Variants in CLYBL observed in about 807,000 individuals in gnomAD.
The protein encoded by CLYBL is citramalyl-CoA lyase.
CLYBL carries 31 observed loss-of-function variants against 38.9 expected under a neutral mutation model. The ratio of observed to expected loss-of-function variants is 0.80; its 90% confidence interval spans 0.60 to 1.08. CLYBL has a LOEUF of 1.08. Among genes scored for constraint, CLYBL ranks in the 50% least tolerant of loss-of-function variants. CLYBL has a pLI of 0.00. For synonymous variants in CLYBL, 171 were observed against 158.6 expected (o/e 1.08, Z -0.59); for missense variants, 434 against 411.6 (o/e 1.05, Z -0.47).
intron 2 of CLYBL, among the ~76,000 whole-genome samples, chr13:99,790,907 T>C (rs1479219737): frequency 2.6e-5 from 4 of 152,192 alleles, no homozygotes; most frequent in Non-Finnish European, 5.9e-5. Context: ...GTGAGGCATA[T>C]CCGCCAATGG....
intron 1 of CLYBL, among the ~76,000 whole-genome samples, chr13:99,768,192 CTT>C (rs58499426): frequency 1.9e-5 from 2 of 102,668 alleles, no homozygotes; most frequent in Admixed American, 1.3e-4. Context: ...TTTTCTTTTT[CTT>C]TTTTTTTTTT....
At chr13:99,761,831 G>A (rs1378505993) in intron 1 of CLYBL, among the ~76,000 whole-genome samples, 4 of 152,242 alleles carry the variant, frequency 2.6e-5, no homozygotes, top group South Asian at 2.1e-4. Context: ...ACCAGCACTC[G>A]TTACTGACCA....
chr13:99,663,184 T>C (rs1043191670), intron 1 of CLYBL, among the ~76,000 whole-genome samples: 2 of 152,220 alleles, frequency 1.3e-5, no homozygotes, highest in African/African-American at 4.8e-5. Context: ...GGGAATACTT[T>C]CTTCTACTGA....
intron 1 of CLYBL, among the ~76,000 whole-genome samples, chr13:99,770,348 C>T (rs1052410331): frequency 3.3e-5 from 5 of 151,960 alleles, no homozygotes; most frequent in South Asian, 2.1e-4. Flanking sequence ...GACGGAGTCT[C>T]GCTCTGTCAC....
intron 1 of CLYBL, among the ~76,000 whole-genome samples, chr13:99,708,566 A>G (rs2139482152): frequency 6.6e-6 from 1 of 152,278 alleles, no homozygotes; most frequent in African/African-American, 2.4e-5. Flanking sequence ...CAAATTACTT[A>G]GCTTCTCTGT....
At chr13:99,901,047 A>G (rs2052636259), downstream of CLYBL, among the ~76,000 whole-genome samples, 1 of 152,196 alleles carries the variant, frequency 6.6e-6, no homozygotes, top group Non-Finnish European at 1.5e-5. Flanking sequence ...GCTGGTCTGA[A>G]TGGCTGGAAA....
chr13:99,774,801 A>C (rs1204695039), intron 2 of CLYBL, among the ~76,000 whole-genome samples: 2 of 152,194 alleles, frequency 1.3e-5, no homozygotes. Context: ...AAATACTATT[A>C]ATCCTTCTCC....
At chr13:99,637,203 G>T (rs988864597) in intron 1 of CLYBL, among the ~76,000 whole-genome samples, 7 of 152,144 alleles carry the variant, frequency 4.6e-5, no homozygotes, top group Admixed American at 4.6e-4. Flanking sequence ...GTAAGTGCCA[G>T]GGTAATAGAG....
chr13:99,832,413 C>T (rs1427334438), intron 2 of CLYBL, among the ~76,000 whole-genome samples: 1 of 152,124 alleles, frequency 6.6e-6, no homozygotes, highest in East Asian at 1.9e-4. Flanking sequence ...GAATTCAATT[C>T]AACAACATGT....
intron 1 of CLYBL, among the ~76,000 whole-genome samples, chr13:99,694,118 T>G (rs998507133): frequency 6.6e-6 from 1 of 152,226 alleles, no homozygotes; most frequent in Non-Finnish European, 1.5e-5. Context: ...ACCTCTTTCC[T>G]TCATCTGTGA....
chr13:99,859,999 T>C (rs924338588), intron 3 of CLYBL, among the ~76,000 whole-genome samples: 2 of 152,002 alleles, frequency 1.3e-5, no homozygotes, highest in Non-Finnish European at 2.9e-5. Context: ...ATACCCTGAG[T>C]TGTTGTAACA....
chr13:99,628,830 G>C (rs2046904363), intron 1 of CLYBL, among the ~76,000 whole-genome samples: 1 of 152,172 alleles, frequency 6.6e-6, no homozygotes, highest in African/African-American at 2.4e-5. Flanking sequence ...ATTTCCTCCT[G>C]GTTATTGTGA....
chr13:99,827,594 A>G (rs1003618098), intron 2 of CLYBL, among the ~76,000 whole-genome samples: 5 of 152,120 alleles, frequency 3.3e-5, no homozygotes, highest in Non-Finnish European at 5.9e-5. Flanking sequence ...GACTGGAGGC[A>G]CTCACATCCA....
chr13:99,746,509 T>C (rs936144997), intron 1 of CLYBL, among the ~76,000 whole-genome samples: 1 of 152,166 alleles, frequency 6.6e-6, no homozygotes, highest in Non-Finnish European at 1.5e-5. Flanking sequence ...TATTGTCTTT[T>C]CTGCACCTGT....
chr13:99,660,027 G>C (rs967548526), intron 1 of CLYBL, among the ~76,000 whole-genome samples: 1 of 152,120 alleles, frequency 6.6e-6, no homozygotes, highest in African/African-American at 2.4e-5. Flanking sequence ...AGGAGATAGC[G>C]ATGTTATTTT....
At chr13:99,852,340 G>A (rs963039526) in intron 2 of CLYBL, among the ~76,000 whole-genome samples, 2 of 152,200 alleles carry the variant, frequency 1.3e-5, no homozygotes, top group Admixed American at 6.5e-5. Context: ...CTGGGCTCAA[G>A]TGATCCTCCC....
At chr13:99,871,174 G>T (rs549696137) in intron 7 of CLYBL, 112 bp downstream of exon 7, 16 of 1,239,726 alleles carry the variant, frequency 1.3e-5, no homozygotes, top group South Asian at 1.3e-4. Flanking sequence ...ATCTGGAGAG[G>T]GGGGAAAGGG....
At chr13:99,657,991 C>G (rs991881411) in intron 1 of CLYBL, among the ~76,000 whole-genome samples, 4 of 152,222 alleles carry the variant, frequency 2.6e-5, no homozygotes, top group African/African-American at 9.7e-5. Context: ...CTTCCTCGCC[C>G]TGCCTTCGGA....
Position 99,781,202 on chromosome 13 carries a change from G to C in CLYBL, c.249+8192G>C, listed in dbSNP as rs574195557. ...TTTATTTATTTTGAGACGGAGTCTC[G>C]CTGTGTCACGCAGGCTGGAGTGCAG... On this transcript the variant is annotated intron_variant, in intron 2 of 8. Transcript: ENST00000339105. Among the ~76,000 whole-genome samples, 42 of 148,380 alleles carry C rather than the reference G, an allele frequency of 2.8e-4. No homozygotes were observed. In the South Asian group the frequency reaches 9.0e-3, roughly 32 times the overall value.
Sources: gnomAD v4.1 joint callset for allele counts (sites outside exome capture counted in the v4.1 genomes callset) on GRCh38, gnomAD v4.1.1 for gene constraint, MANE v1.5 for transcripts, NCBI Gene and HGNC (gene_info 2026-07-23, HGNC 2026-07-21) for gene names.